NRG1: variants seen among roughly 807,000 people sequenced by gnomAD.
The protein encoded by NRG1 is pro-neuregulin-1, membrane-bound isoform.
Under a neutral mutation model 63.8 loss-of-function variants are expected in NRG1, and 18 were observed. That is an observed-to-expected ratio of 0.28 (90% confidence interval 0.19 to 0.42). NRG1 has a LOEUF of 0.42. Ranked by LOEUF, NRG1 falls within the 10% of genes least tolerant of loss-of-function variation. The probability of loss-of-function intolerance (pLI) is 1.00; values close to 1 mark genes in which losing one functional copy is unlikely to be tolerated. For missense variants in NRG1, 762 were observed against 814.7 expected (o/e 0.94, Z 0.79); for synonymous variants, 302 against 301.3 (o/e 1.00, Z -0.02).
At chr8:31,764,326 C>T (rs1399060628) in intron 1 of NRG1, among the ~76,000 whole-genome samples, 2 of 152,118 alleles carry the variant, frequency 1.3e-5, no homozygotes, top group African/African-American at 2.4e-5. Context: ...TTGATACAGT[C>T]ATGATAAATA....
intron 1 of NRG1, among the ~76,000 whole-genome samples, chr8:32,351,199 A>C (rs1324053325): frequency 8.9e-6 from 1 of 112,906 alleles, no homozygotes; most frequent in African/African-American, 2.8e-5. Context: ...CTACATACTC[A>C]TACCCCTTTT....
intron 1 of NRG1, among the ~76,000 whole-genome samples, chr8:31,924,496 GT>G (rs1178656714): frequency 3.3e-4 from 50 of 152,038 alleles, no homozygotes; most frequent in Non-Finnish European, 2.9e-5. Context: ...TCGTGCTGTA[GT>G]TTTTTTCCTC....
At chr8:32,560,941 G>A (rs968298973) in intron 1 of NRG1, among the ~76,000 whole-genome samples, 2 of 152,162 alleles carry the variant, frequency 1.3e-5, no homozygotes, top group Non-Finnish European at 1.5e-5. Flanking sequence ...GGTAATGAAA[G>A]TAATCTTAAA....
chr8:32,317,901 A>C (rs1164088199), intron 1 of NRG1, among the ~76,000 whole-genome samples: 2 of 152,168 alleles, frequency 1.3e-5, no homozygotes, highest in African/African-American at 4.8e-5. Context: ...ATGTGGATAT[A>C]ATTGAAGAGA....
At chr8:32,210,166 A>AGAG (rs1313738593) in intron 1 of NRG1, among the ~76,000 whole-genome samples, 2 of 152,210 alleles carry the variant, frequency 1.3e-5, no homozygotes, top group Non-Finnish European at 2.9e-5. Context: ...TTTTGGTCTC[A>AGAG]GAGTCCCTTT....
intron 1 of NRG1, among the ~76,000 whole-genome samples, chr8:32,536,676 A>G (rs562095183): frequency 6.6e-6 from 1 of 152,070 alleles, no homozygotes; most frequent in East Asian, 2.0e-4. Flanking sequence ...TAATCCCAGC[A>G]CTTTGGGAGG....
At chr8:31,782,134 A>G (rs1256433869) in intron 1 of NRG1, among the ~76,000 whole-genome samples, 1 of 151,974 alleles carries the variant, frequency 6.6e-6, no homozygotes, top group Non-Finnish European at 1.5e-5. Flanking sequence ...CACTGATCTC[A>G]TTTTCCAAAT....
intron 1 of NRG1, among the ~76,000 whole-genome samples, chr8:32,368,817 A>T (rs1407409360): frequency 6.6e-6 from 1 of 152,224 alleles, no homozygotes; most frequent in Non-Finnish European, 1.5e-5. Context: ...TTAAAAAATG[A>T]TGTAAACTTA....
At chr8:32,234,713 T>C (rs1241347603) in intron 1 of NRG1, among the ~76,000 whole-genome samples, 2 of 152,168 alleles carry the variant, frequency 1.3e-5, no homozygotes, top group Admixed American at 6.5e-5. Flanking sequence ...CTTGATATAC[T>C]CATCCTGTGT....
At chr8:32,385,889 G>A (rs1246966327) in intron 1 of NRG1, among the ~76,000 whole-genome samples, 2 of 152,168 alleles carry the variant, frequency 1.3e-5, no homozygotes, top group Non-Finnish European at 2.9e-5. Context: ...CAGCAATACT[G>A]CTGTCAGATA....
chr8:32,533,342 A>G (rs1831644650), intron 1 of NRG1, among the ~76,000 whole-genome samples: 1 of 152,092 alleles, frequency 6.6e-6, no homozygotes, highest in African/African-American at 2.4e-5. Context: ...TTCAAGTACA[A>G]TAAAATGGAT....
intron 1 of NRG1, among the ~76,000 whole-genome samples, chr8:31,872,967 T>C (rs965143528): frequency 3.3e-5 from 5 of 152,216 alleles, no homozygotes; most frequent in African/African-American, 4.8e-5. Context: ...TAAAATCTTA[T>C]GCATAATTTT....
At chr8:32,438,718 T>C (rs1357250618) in intron 1 of NRG1, among the ~76,000 whole-genome samples, 1 of 152,214 alleles carries the variant, frequency 6.6e-6, no homozygotes, top group Admixed American at 6.6e-5. Flanking sequence ...TTTTTTTATT[T>C]TAGCCATTAT....
At chr8:31,939,706 T>G in intron 1 of NRG1, among the ~76,000 whole-genome samples, 1 of 152,006 alleles carries the variant, frequency 6.6e-6, no homozygotes, top group East Asian at 1.9e-4. Flanking sequence ...TCACATCAAC[T>G]TAAGATAAAG....
intron 1 of NRG1, among the ~76,000 whole-genome samples, chr8:32,419,446 T>C (rs1816390308): frequency 6.6e-6 from 1 of 152,166 alleles, no homozygotes; most frequent in Non-Finnish European, 1.5e-5. Flanking sequence ...GCCGCTGTCC[T>C]CTGTCAAGGG....
chr8:31,765,537 G>T (rs1194051736), intron 1 of NRG1, among the ~76,000 whole-genome samples: 1 of 152,124 alleles, frequency 6.6e-6, no homozygotes, highest in African/African-American at 2.4e-5. Flanking sequence ...TTTATCAGGG[G>T]TAAGTATTGA....
intron 1 of NRG1, among the ~76,000 whole-genome samples, chr8:32,587,501 C>T (rs984937098): frequency 3.9e-5 from 6 of 152,022 alleles, no homozygotes; most frequent in South Asian, 2.1e-4. Context: ...GATGGCAGAG[C>T]GGCATAAGAG....
chr8:32,445,976 A>C (rs999133512), intron 1 of NRG1, among the ~76,000 whole-genome samples: 2 of 152,168 alleles, frequency 1.3e-5, no homozygotes, highest in African/African-American at 2.4e-5. Flanking sequence ...TTAACAAGGC[A>C]CATATTTTCA....
At chr8:31,778,377 A>G (rs1819358319) in intron 1 of NRG1, among the ~76,000 whole-genome samples, 1 of 151,954 alleles carries the variant, frequency 6.6e-6, no homozygotes, top group Admixed American at 6.6e-5. Flanking sequence ...CCTTATATAT[A>G]CCAGGCATGG....
Sources: allele counts gnomAD v4.1 joint callset (sites outside exome capture counted in the v4.1 genomes callset), GRCh38; gene constraint gnomAD v4.1.1; transcripts MANE v1.5; gene names NCBI Gene and HGNC (gene_info 2026-07-23, HGNC 2026-07-21).